WDPCP: variants seen among roughly 807,000 people sequenced by gnomAD.
WDPCP encodes WD repeat-containing and planar cell polarity effector protein fritz homolog.
Under a neutral mutation model 93.1 loss-of-function variants are expected in WDPCP, and 71 were observed. The observed-to-expected ratio is 0.76, with a 90% CI of 0.63 to 0.93. The LOEUF is 0.93. WDPCP is among the 40% of genes least tolerant of loss of function. WDPCP has a pLI of 0.00. For synonymous variants in WDPCP, 315 were observed against 315.0 expected (o/e 1.00, Z 0.00); for missense variants, 844 against 887.4 (o/e 0.95, Z 0.62).
chr2:63,778,614 G>C (rs1291049087), intron 2 of WDPCP, among the ~76,000 whole-genome samples: 2 of 152,090 alleles, frequency 1.3e-5, no homozygotes. Flanking sequence ...TGTGTCTTAT[G>C]TTGTTCCTGT....
intron 14 of WDPCP, among the ~76,000 whole-genome samples, chr2:63,176,827 A>G (rs1673847217): frequency 6.6e-6 from 1 of 152,130 alleles, no homozygotes; most frequent in South Asian, 2.1e-4. Context: ...ACAAGAAATC[A>G]TTGTCATATC....
intron 17 of WDPCP, among the ~76,000 whole-genome samples, chr2:63,152,341 C>A (rs1373135220): frequency 6.7e-6 from 1 of 149,420 alleles, no homozygotes; most frequent in Non-Finnish European, 1.5e-5. Context: ...GTGGCATGAT[C>A]TTGGCTCACT....
intron 13 of WDPCP, among the ~76,000 whole-genome samples, chr2:63,304,726 G>T (rs1165138829): frequency 3.3e-5 from 5 of 152,140 alleles, no homozygotes; most frequent in Non-Finnish European, 7.4e-5. Flanking sequence ...CCCCAGTGGT[G>T]CCTGGAATGC....
At chr2:63,424,269 AG>A (rs372291555) in intron 9 of WDPCP, among the ~76,000 whole-genome samples, 6 of 102,536 alleles carry the variant, frequency 5.9e-5, no homozygotes, top group African/African-American at 2.4e-4. Flanking sequence ...GGGGTGGGAG[AG>A]GGGGTGTGCG....
intron 12 of WDPCP, among the ~76,000 whole-genome samples, chr2:63,360,800 C>CAA (rs1265326883): frequency 6.6e-6 from 1 of 152,202 alleles, no homozygotes; most frequent in East Asian, 1.9e-4. Flanking sequence ...TGCAGCTTTT[C>CAA]TTCCATTCCA....
At chr2:63,602,695 C>G (rs959106256) in intron 3 of WDPCP, among the ~76,000 whole-genome samples, 1 of 152,088 alleles carries the variant, frequency 6.6e-6, no homozygotes, top group Non-Finnish European at 1.5e-5. Context: ...TATGGTCACA[C>G]CACCCTCTGT....
chr2:63,339,330 G>A (rs573244787), intron 12 of WDPCP, among the ~76,000 whole-genome samples: 10 of 151,934 alleles, frequency 6.6e-5, no homozygotes, highest in African/African-American at 1.2e-4. Flanking sequence ...ACGACATCAC[G>A]TCCAGCTAAT....
intron 3 of WDPCP, among the ~76,000 whole-genome samples, chr2:63,608,760 G>A (rs1709582331): frequency 6.6e-6 from 1 of 152,022 alleles, no homozygotes; most frequent in African/African-American, 2.4e-5. Context: ...CAGTGAGCTA[G>A]GATCACGCCA....
chr2:63,259,703 G>A (rs1041263690), intron 13 of WDPCP, among the ~76,000 whole-genome samples: 16 of 152,254 alleles, frequency 1.1e-4, no homozygotes, highest in African/African-American at 3.9e-4. Flanking sequence ...AATGTTAATT[G>A]CTATTTTTCT....
intron 6 of WDPCP, among the ~76,000 whole-genome samples, chr2:63,448,222 T>C (rs748381598): frequency 3.3e-5 from 5 of 152,200 alleles, no homozygotes; most frequent in Non-Finnish European, 7.4e-5. Flanking sequence ...CACTCAACCG[T>C]TGCCCTTTAC....
intron 14 of WDPCP, among the ~76,000 whole-genome samples, chr2:63,181,296 G>A (rs7569077): frequency 0.02 from 3,015 of 152,064 alleles, 54 homozygotes; most frequent in Non-Finnish European, 0.033. Context: ...GGAGTTTTCC[G>A]TAGGTTTTCT....
chr2:63,360,066 CAAG>C (rs1489479728), intron 12 of WDPCP: 1 of 151,904 alleles, frequency 6.6e-6, no homozygotes, highest in Non-Finnish European at 1.5e-5. Context: ...GGCGACAAGG[CAAG>C]ACTCCATCTA....
intron 3 of WDPCP, among the ~76,000 whole-genome samples, chr2:63,630,164 A>G (rs1410596867): frequency 1.3e-5 from 2 of 152,232 alleles, no homozygotes; most frequent in East Asian, 1.9e-4. Context: ...GTATCTAAAT[A>G]AATAGAATTC....
intron 14 of WDPCP, among the ~76,000 whole-genome samples, chr2:63,201,051 G>A (rs1242174344): frequency 6.6e-6 from 1 of 152,160 alleles, no homozygotes; most frequent in Non-Finnish European, 1.5e-5. Context: ...TGTTGGAGGA[G>A]GAGCCTGGTG....
intron 1 of WDPCP, among the ~76,000 whole-genome samples, chr2:63,563,006 C>T (rs1315922243): frequency 6.6e-6 from 1 of 152,128 alleles, no homozygotes; most frequent in African/African-American, 2.4e-5. Flanking sequence ...TCTAAGTCCT[C>T]TCAGAGATCA....
intron 2 of WDPCP, among the ~76,000 whole-genome samples, chr2:63,656,553 A>G (rs1218269941): frequency 6.6e-6 from 1 of 152,264 alleles, no homozygotes; most frequent in Non-Finnish European, 1.5e-5. Context: ...AGCTAAGAGC[A>G]GCTAGTCAGA....
intron 3 of WDPCP, among the ~76,000 whole-genome samples, chr2:63,621,807 C>T (rs1269548502): frequency 6.6e-6 from 1 of 151,896 alleles, no homozygotes; most frequent in Non-Finnish European, 1.5e-5. Flanking sequence ...GGAAGCCCAT[C>T]AGACTACCAG....
chr2:63,601,863 T>C (rs1709424668), intron 3 of WDPCP, among the ~76,000 whole-genome samples: 1 of 152,210 alleles, frequency 6.6e-6, no homozygotes, highest in Non-Finnish European at 1.5e-5. Flanking sequence ...AAGGTATAAA[T>C]TTATCTTTTT....
At chr2:63,805,343 T>G (rs1670749705) in intron 2 of WDPCP, among the ~76,000 whole-genome samples, 1 of 152,110 alleles carries the variant, frequency 6.6e-6, no homozygotes, top group Non-Finnish European at 1.5e-5. Context: ...ACTTTTAATA[T>G]TGATAAAACT....
Sources: allele counts gnomAD v4.1 joint callset (sites outside exome capture counted in the v4.1 genomes callset), GRCh38; gene constraint gnomAD v4.1.1; transcripts MANE v1.5; gene names NCBI Gene and HGNC (gene_info 2026-07-23, HGNC 2026-07-21).